Variants in PIK3R5 observed in about 807,000 individuals in gnomAD.
PIK3R5 encodes phosphoinositide 3-kinase regulatory subunit 5.
Under a neutral mutation model 94.9 loss-of-function variants are expected in PIK3R5, and 32 were observed. That is an observed-to-expected ratio of 0.34 (90% CI 0.25 to 0.45). The LOEUF is 0.45. Ranked by LOEUF, PIK3R5 falls within the 20% of genes least tolerant of loss-of-function variation. The pLI is 1.00. For missense variants in PIK3R5, 853 were observed against 1,144.6 expected, an observed-to-expected ratio of 0.75 and a Z score of 3.68; for synonymous variants, 443 against 479.4, an observed-to-expected ratio of 0.92 and a Z score of 0.99.
Position 8,905,661 on chromosome 17 carries a change from G to A in PIK3R5, c.273+8C>T. On this transcript the variant is annotated splice_region_variant and intron_variant, in intron 4 of 18. Coordinates refer to ENST00000447110, the MANE Select transcript of PIK3R5 (RefSeq NM_001142633.3). ...TCACCTCCAGCATCCTGGCCCACGT[G>A]GACTTACACAAAGAACAGTGGAATA... 1 of 1,592,796 alleles carries A rather than the reference G, an allele frequency of 6.3e-7. No individual in the cohort carries two copies. Among genetic ancestry groups the A allele is most frequent in the Non-Finnish European group, 8.6e-7 (1 of 1,169,460 alleles).
intron 1 of PIK3R5, among the ~76,000 whole-genome samples, chr17:8,956,439 A>G (rs532938639): frequency 6.6e-6 from 1 of 152,308 alleles, no homozygotes; most frequent in East Asian, 1.9e-4. Flanking sequence ...AGCAGCTCCC[A>G]CAAGAAAACT....
intron 1 of PIK3R5, among the ~76,000 whole-genome samples, chr17:8,965,018 C>A (rs1290453755): frequency 6.6e-6 from 1 of 152,138 alleles, no homozygotes; most frequent in African/African-American, 2.4e-5. Flanking sequence ...CACACACACA[C>A]ACACACACAC....
rs181539 is a variant in PIK3R5, at chr17:8,915,379, A to C, written c.-13-3872T>G. ...GTGGAGGTTGCGGTGAGCCAAGATCATGCCAGCCTGGGTGACAGAGCAAGA... is the reference window on the plus strand; with the variant it reads ...GTGGAGGTTGCGGTGAGCCAAGATCCTGCCAGCCTGGGTGACAGAGCAAGA... On this transcript the variant is annotated intron_variant, in intron 1 of 18. Transcript: ENST00000447110. Among the ~76,000 whole-genome samples, 3 of 149,716 alleles carry C rather than the reference A, an allele frequency of 2.0e-5. No individual in the cohort carries two copies. In the East Asian group the frequency reaches 5.9e-4, roughly 30 times the overall value.
chr17:8,929,371 C>T (rs953765040), intron 1 of PIK3R5, among the ~76,000 whole-genome samples: 7 of 152,020 alleles, frequency 4.6e-5, no homozygotes, highest in Admixed American at 1.3e-4. Context: ...AAATATATAT[C>T]GTGCAAGCAT....
chr17:8,921,076 G>C (rs1286300105), intron 1 of PIK3R5, among the ~76,000 whole-genome samples: 1 of 151,806 alleles, frequency 6.6e-6, no homozygotes, highest in Non-Finnish European at 1.5e-5. Flanking sequence ...CCTGACCTCA[G>C]GTGATCCACC....
intron 1 of PIK3R5, among the ~76,000 whole-genome samples, chr17:8,942,279 T>G (rs1438115178): frequency 6.6e-6 from 1 of 152,110 alleles, no homozygotes; most frequent in Non-Finnish European, 1.5e-5. Flanking sequence ...AAACCACACC[T>G]GACCTCTGCC....
intron 1 of PIK3R5, among the ~76,000 whole-genome samples, chr17:8,959,650 T>C (rs1244717014): frequency 1.3e-5 from 2 of 152,124 alleles, no homozygotes; most frequent in African/African-American, 4.8e-5. Flanking sequence ...GTATGGAGAT[T>C]TGCCTGAAAA....
At chr17:8,907,618 C>CT (rs2090424158) in intron 3 of PIK3R5, among the ~76,000 whole-genome samples, 2 of 136,388 alleles carry the variant, frequency 1.5e-5, no homozygotes, top group South Asian at 2.3e-4. Context: ...TGGTTTTTAT[C>CT]TTTTTTTAAC....
chr17:8,952,290 A>G (rs1170623140), intron 1 of PIK3R5, among the ~76,000 whole-genome samples: 1 of 152,256 alleles, frequency 6.6e-6, no homozygotes, highest in East Asian at 1.9e-4. Flanking sequence ...GTGAATGCTG[A>G]GTTACCTAAT....
Position 8,909,380 on chromosome 17 carries a change from C to G in PIK3R5, c.104-206G>C. ...TCTCAGCTCACTGCAACCTCTGCCT[C>G]CCGGGTTCAAGCGATTCCCCTGCCT... On this transcript the variant is annotated intron_variant, in intron 2 of 18. Coordinates refer to ENST00000447110, the MANE Select transcript of PIK3R5 (RefSeq NM_001142633.3). This position sits in a 1 kb window ranked among gnomAD's most constrained non-coding sequence, Gnocchi z 4.3. Among the ~76,000 whole-genome samples, 1 of 152,094 alleles carries G rather than the reference C, an allele frequency of 6.6e-6. No homozygotes were observed. Among genetic ancestry groups the G allele is most frequent in the East Asian group, 1.9e-4 (1 of 5,184 alleles).
intron 1 of PIK3R5, among the ~76,000 whole-genome samples, chr17:8,954,940 A>G (rs924207863): frequency 1.2e-4 from 16 of 132,932 alleles, no homozygotes; most frequent in African/African-American, 5.3e-4. Flanking sequence ...TCCGTCTCAA[A>G]AAAAAAAAAA....
chr17:8,919,527 G>A (rs564231654), intron 1 of PIK3R5, among the ~76,000 whole-genome samples: 1 of 152,318 alleles, frequency 6.6e-6, no homozygotes, highest in Non-Finnish European at 1.5e-5. Context: ...GGCTGTCTTT[G>A]AGAATGTTCA....
Position 8,880,482 on chromosome 17 carries a change from G to T in PIK3R5, c.*157C>A, listed in dbSNP as rs751914015. ...GCTTTCCCAGAACCCTGAGGCCCCA[G>T]AAACCCTCTACTCCCAGCCCCTGCT... On this transcript the variant is annotated 3_prime_UTR_variant, in exon 19 of 19. Coordinates refer to ENST00000447110, the MANE Select transcript of PIK3R5 (RefSeq NM_001142633.3). 7.6e-5 allele frequency: 52 copies of T among 686,290 alleles called. No homozygotes were observed. The highest frequency in any genetic ancestry group is 1.1e-4 in the Non-Finnish European group (49 of 443,860). The allele number at this position is 686,290 out of a possible 1,614,324, so 42.5% of individuals were successfully genotyped here.
At chr17:8,953,425 A>G (rs1472742248) in intron 1 of PIK3R5, among the ~76,000 whole-genome samples, 2 of 152,174 alleles carry the variant, frequency 1.3e-5, no homozygotes, top group African/African-American at 4.8e-5. Flanking sequence ...CAAGTTCTTT[A>G]AAGGGCCACA....
chr17:8,957,504 T>C (rs917520660), intron 1 of PIK3R5, among the ~76,000 whole-genome samples: 4 of 152,246 alleles, frequency 2.6e-5, no homozygotes, highest in African/African-American at 9.6e-5. Context: ...CGCTACTTCT[T>C]AATTACTTCA....
rs563457545 is a variant in PIK3R5 at position 8,925,001 on chromosome 17, ATAGT to A, written c.-13-13498_-13-13495del. Among the ~76,000 whole-genome samples, 9 of 152,268 alleles carry A rather than the reference ATAGT, an allele frequency of 5.9e-5. No homozygotes were observed. In the South Asian group the frequency reaches 1.0e-3, roughly 18 times the overall value. ...ACTTCTCACCAAATATACCAGATAG[ATAGT>A]TAGATAGTAGATGGATAGATAGATA... On this transcript the variant is annotated intron_variant, in intron 1 of 18. Transcript: ENST00000447110. The surrounding 1 kb of genome is among the most constrained non-coding windows in gnomAD (Gnocchi z 5.1).
chr17:8,917,692 C>T (rs1054797167), intron 1 of PIK3R5, among the ~76,000 whole-genome samples: 3 of 152,084 alleles, frequency 2.0e-5, no homozygotes, highest in African/African-American at 7.2e-5. Context: ...ATGGTGAAAC[C>T]CTGTCTCTAT....
chr17:8,888,890 G>T lies in PIK3R5; in HGVS notation c.897C>A (p.Asp299Glu). The T allele has an allele frequency of 6.3e-7, 1 of 1,595,446 alleles. No individual in the cohort carries two copies. ...YTYSWSQDSF[D>E]ILQEILLKEQ... is the part of the protein sequence containing the mutation. The stretch of plus-strand genomic sequence containing the variant: ...CCTTGAGCAGGATTTCCTGCAGGAT[G>T]TCTGCAGGGAAGCAAGGCCAGCACT... The change falls in exon 10 of 19, where the codon GAC (aspartate) becomes GAA (glutamate). Residue 299 changes from aspartate (D) to glutamate (E), a missense_variant and splice_region_variant. This residue lies in a region of PIK3R5 where 161 missense variants were observed against 249.5 expected (regional missense o/e 0.65). Transcript: ENST00000447110. This position sits in a 1 kb window ranked among gnomAD's most constrained non-coding sequence, Gnocchi z 7.8.
At chr17:8,962,913 T>C (rs2151487936) in intron 1 of PIK3R5, among the ~76,000 whole-genome samples, 1 of 152,308 alleles carries the variant, frequency 6.6e-6, no homozygotes, top group East Asian at 1.9e-4. Context: ...AAAAATCAAA[T>C]TAAACACCTC....
Sources: gnomAD v4.1 joint callset for allele counts (sites outside exome capture counted in the v4.1 genomes callset) on GRCh38, gnomAD v4.1.1 for gene constraint, gnomAD v4.1.1 regional missense constraint, Gnocchi (gnomAD v3.1) non-coding constraint, MANE v1.5 for transcripts, NCBI Gene and HGNC (gene_info 2026-07-23, HGNC 2026-07-21) for gene names.